The following TRAF2 variants were observed in gnomAD, a reference collection of about 807,000 sequenced individuals.
TRAF2 encodes TNF receptor associated factor 2, also known as TNF receptor-associated factor 2.
TRAF2 carries 6 observed loss-of-function variants against 55.6 expected under a neutral mutation model. The observed-to-expected ratio is 0.11, with a 90% confidence interval of 0.06 to 0.21. The LOEUF (loss-of-function observed/expected upper bound fraction) is 0.21. Ranked by LOEUF, TRAF2 falls within the 10% of genes least tolerant of loss-of-function variation. TRAF2 has a pLI of 1.00. For missense variants in TRAF2, 561 were observed against 684.5 expected (o/e 0.82, Z 2.01); for synonymous variants, 329 against 276.3 (o/e 1.19, Z -1.89).
chr9:136,895,417 G>A (rs573428472), intron 1 of TRAF2, among the ~76,000 whole-genome samples: 1 of 152,336 alleles, frequency 6.6e-6, no homozygotes, highest in Admixed American at 6.5e-5. Flanking sequence ...CTGTGGCTGA[G>A]CTGACCTAAC....
At chr9:136,913,194 A>G (rs1850161207) in intron 6 of TRAF2, among the ~76,000 whole-genome samples, 1 of 151,616 alleles carries the variant, frequency 6.6e-6, no homozygotes, top group African/African-American at 2.4e-5. Context: ...TGATGAGGCC[A>G]CTGATGATGA....
chr9:136,900,300 T>C, intron 3 of TRAF2, 122 bp from the exon 4 acceptor site: 1 of 605,444 alleles, frequency 1.7e-6, no homozygotes, highest in Non-Finnish European at 2.9e-6. Flanking sequence ...CCTCTGCTCC[T>C]GGAGTGGCCT....
chr9:136,892,773 G>C (rs1284215053), intron 1 of TRAF2, among the ~76,000 whole-genome samples: 2 of 151,946 alleles, frequency 1.3e-5, no homozygotes, highest in Non-Finnish European at 2.9e-5. Flanking sequence ...CCAGCTACTC[G>C]GGAGGCTGAG....
chr9:136,897,054 G>C (rs1421440604), intron 1 of TRAF2, among the ~76,000 whole-genome samples: 2 of 152,182 alleles, frequency 1.3e-5, no homozygotes, highest in Non-Finnish European at 2.9e-5. Context: ...ACCCTGACCA[G>C]GCCCCTTCCT....
chr9:136,910,378 G>A (rs934422048), intron 6 of TRAF2, among the ~76,000 whole-genome samples: 3 of 152,174 alleles, frequency 2.0e-5, no homozygotes, highest in Non-Finnish European at 2.9e-5. Flanking sequence ...GAGACTGGGC[G>A]CCCTAGTCTG....
At chr9:136,896,867 C>G (rs917270013) in intron 1 of TRAF2, among the ~76,000 whole-genome samples, 5 of 152,174 alleles carry the variant, frequency 3.3e-5, no homozygotes, top group Admixed American at 3.3e-4. Flanking sequence ...CTCGGCCTCC[C>G]AAAGTGCTGA....
chr9:136,900,800 G>A (rs377335341), intron 4 of TRAF2: 2 of 387,958 alleles, frequency 5.2e-6, no homozygotes, highest in South Asian at 2.4e-5. Context: ...GTCGATGGGG[G>A]TGCAGGATCC....
At position 136,908,493 on chromosome 9, in the gene TRAF2, C is replaced by T. The variant is rs1043535514; in HGVS notation, c.528+262C>T. Among the ~76,000 whole-genome samples, 301 of 152,298 alleles carry T rather than the reference C, an allele frequency of 2.0e-3. 1 individual carries two copies. The highest frequency in any genetic ancestry group is 2.9e-3 in the Non-Finnish European group (196 of 68,014). On this transcript the variant is annotated intron_variant, in intron 5 of 10. Transcript: ENST00000247668. ...ATCCCAGCGCTTTGGGAGGCTGAGG[C>T]GGGCGGATCACGAGGTCCGGAGTTG...
intron 4 of TRAF2, 106 bp from the exon 5 acceptor site, chr9:136,907,964 T>C: frequency 2.1e-6 from 3 of 1,431,582 alleles, no homozygotes; most frequent in East Asian, 2.3e-5. Context: ...AGGACCAGCA[T>C]GCGGACACCA....
rs748356718 is a variant in TRAF2 at position 136,926,025 on chromosome 9, G to C, written c.*124G>C. ...AGGGGCCGCGCTTGGGCGCTTGGGA[G>C]GGTGTCGGCCTGCAGCCAAGTTCAC... On this transcript the variant is annotated 3_prime_UTR_variant, in exon 11 of 11. Transcript: ENST00000247668. 8.2e-7 allele frequency: 1 copy of C among 1,219,848 alleles called. No individual in the cohort carries two copies. The highest frequency in any genetic ancestry group is 1.2e-6 in the Non-Finnish European group (1 of 839,940). 75.6% of individuals were successfully genotyped at this position (1,219,848 alleles called of 1,614,324 possible).
chr9:136,889,219 GT>G (rs533626382), intron 1 of TRAF2, among the ~76,000 whole-genome samples: 2,057 of 123,086 alleles, frequency 0.017, 34 homozygotes, highest in African/African-American at 0.056. Context: ...GGTTTTTTCT[GT>G]TTTTTTTTTT....
upstream of TRAF2, among the ~76,000 whole-genome samples, chr9:136,883,559 C>T (rs1431473360): frequency 1.3e-5 from 2 of 152,098 alleles, no homozygotes; most frequent in Non-Finnish European, 2.9e-5. Flanking sequence ...CTCTGTCACC[C>T]AGGGTGGAAT....
rs575388299 is a variant in TRAF2 at position 136,890,091 on chromosome 9, C to T, written c.-29+3550C>T. 2.0e-4 allele frequency among the ~76,000 whole-genome samples: 29 copies of T among 145,888 alleles called. 4 individuals carry two copies. The highest frequency in any genetic ancestry group is 6.2e-4 in the African/African-American group (24 of 38,926). On this transcript the variant is annotated intron_variant, in intron 1 of 10. Transcript: ENST00000247668. ...ACCGCGTGTGTGAGTCCCCACCGCACGCTTGTTCAGCCGGTCACCGCGTGT... is the reference window on the plus strand; with the variant it reads ...ACCGCGTGTGTGAGTCCCCACCGCATGCTTGTTCAGCCGGTCACCGCGTGT...
Position 136,921,324 on chromosome 9 carries a change from G to A in TRAF2, c.1138+109G>A, listed in dbSNP as rs1031496405. 1.8e-5 allele frequency: 24 copies of A among 1,350,012 alleles called. No homozygotes were observed. In the East Asian group the frequency reaches 2.4e-4, roughly 13 times the overall value. 83.6% of individuals were successfully genotyped at this position (1,350,012 alleles called of 1,614,324 possible). On this transcript the variant is annotated intron_variant, in intron 9 of 10. Coordinates refer to ENST00000247668, the MANE Select transcript of TRAF2 (RefSeq NM_021138.4). ...GCTCCCAAGGGTGGGGCTGGGATAC[G>A]ACCCCCAGTGATACCGGGAGCAGCT...
chr9:136,894,138 C>T (rs1849635294), intron 1 of TRAF2, among the ~76,000 whole-genome samples: 1 of 147,198 alleles, frequency 6.8e-6, no homozygotes, highest in Non-Finnish European at 1.5e-5. Context: ...CCTCTGCTTG[C>T]TGGGTTCAAG....
At chr9:136,889,441 G>A (rs1357760226) in intron 1 of TRAF2, 1 of 151,702 alleles carries the variant, frequency 6.6e-6, no homozygotes, top group Non-Finnish European at 1.5e-5. Flanking sequence ...CCACCATAAT[G>A]CCCGGCTAAT....
intron 1 of TRAF2, chr9:136,889,778 T>C (rs549239149): frequency 2.0e-5 from 3 of 152,176 alleles, no homozygotes; most frequent in Non-Finnish European, 2.9e-5. Flanking sequence ...TGTGTGAGAG[T>C]TCCCCCCACA....
At chr9:136,901,241 C>T (rs540423946) in intron 4 of TRAF2, among the ~76,000 whole-genome samples, 5 of 152,180 alleles carry the variant, frequency 3.3e-5, no homozygotes, top group Admixed American at 2.0e-4. Flanking sequence ...CACTACAGCT[C>T]GCCAAGTTAT....
chr9:136,923,610 CAAAAAAAAAA>C (rs55666712), intron 9 of TRAF2, among the ~76,000 whole-genome samples: 1 of 67,748 alleles, frequency 1.5e-5, no homozygotes, highest in Non-Finnish European at 2.5e-5. Context: ...GACTCCATCT[CAAAAAAAAAA>C]AAAAAAAAAA....
Sources: allele counts gnomAD v4.1 joint callset (sites outside exome capture counted in the v4.1 genomes callset), GRCh38; gene constraint gnomAD v4.1.1; transcripts MANE v1.5; gene names NCBI Gene and HGNC (gene_info 2026-07-23, HGNC 2026-07-21).